The following SRCAP variants were observed in gnomAD, a reference collection of about 807,000 sequenced individuals.
SRCAP encodes the protein chromatin remodeling protein SRCAP.
SRCAP carries 46 observed loss-of-function variants against 263.1 expected under a neutral mutation model. That is an observed-to-expected ratio of 0.17 (90% confidence interval 0.14 to 0.22). The LOEUF (loss-of-function observed/expected upper bound fraction) is 0.22, where lower values mean the gene tolerates loss of function less well. SRCAP is among the 10% of genes least tolerant of loss of function. SRCAP has a pLI of 1.00. For missense variants in SRCAP, 3,695 were observed against 4,181.9 expected, an observed-to-expected ratio of 0.88 and a Z score of 3.21; for synonymous variants, 1,813 against 1,662.1, an observed-to-expected ratio of 1.09 and a Z score of -2.21.
At chr16:30,703,149 CTATATATA>C (rs368190667) in intron 3 of SRCAP, among the ~76,000 whole-genome samples, 2 of 143,412 alleles carry the variant, frequency 1.4e-5, no homozygotes, top group Non-Finnish European at 3.1e-5. Flanking sequence ...AAATCATATG[CTATATATA>C]TATATATATA....
At position 30,733,527 on chromosome 16, in the gene SRCAP, G is replaced by T; in HGVS notation, c.6298-75G>T. ...TTCCCAGGATTTGGGCTTCCAGACG[G>T]GGTGCCACTAAGCCTTTAGACCTGT... On this transcript the variant is annotated intron_variant, in intron 28 of 33. Transcript: ENST00000262518. The surrounding 1 kb of genome is among the most constrained non-coding windows in gnomAD (Gnocchi z 5.3). 1.2e-6 allele frequency: 2 copies of T among 1,605,208 alleles called. No individual in the cohort carries two copies. The highest frequency in any genetic ancestry group is 1.7e-6 in the Non-Finnish European group (2 of 1,174,480).
In SRCAP at chr16:30,725,067, T is replaced by G; in HGVS notation, c.5643T>G (p.Arg1881=). ...RPRRQPPPPP[R]SPFYLDSLEE... is the part of the protein sequence containing the mutation. ...GACGCCAGCCCCCCCCACCACCTCG[T>G]TCCCCTTTTTATCTGGTAAGTTTTA... Residue 1881 remains arginine (R), a synonymous_variant, in exon 25 of 34, where the codon CGT becomes CGG. Coordinates refer to ENST00000262518, the MANE Select transcript of SRCAP (RefSeq NM_006662.3). 1 of 1,608,626 alleles carries G rather than the reference T, an allele frequency of 6.2e-7. No homozygotes were observed. Among genetic ancestry groups the G allele is most frequent in the Non-Finnish European group, 8.5e-7 (1 of 1,176,720 alleles).
intron 4 of SRCAP, among the ~76,000 whole-genome samples, chr16:30,706,635 A>G (rs2052830534): frequency 6.6e-6 from 1 of 152,150 alleles, no homozygotes; most frequent in Non-Finnish European, 1.5e-5. Flanking sequence ...ACATAAACAT[A>G]TGCATTTTTA....
chr16:30,707,794 T>C, intron 6 of SRCAP, 82 bp downstream of exon 6: 1 of 1,523,104 alleles, frequency 6.6e-7, no homozygotes, highest in South Asian at 1.2e-5. Flanking sequence ...TCAAAACTTC[T>C]TGAGGGAGTA....
rs377394919 is a variant in SRCAP at position 30,738,682 on chromosome 16, C to T, written c.8642C>T (p.Pro2881Leu). Reference sequence around the variant, plus strand: ...GCTGGGAGAGGTGTGGATGAGGCACCCTCATCCACCTTGAAGGGAAAAACC... The same window carrying T: ...GCTGGGAGAGGTGTGGATGAGGCACTCTCATCCACCTTGAAGGGAAAAACC... ...ADAGRGVDEA[P>L]SSTLKGKTNG... Residue 2881 changes from proline to leucine, a missense_variant, in exon 34 of 34, where the codon CCC becomes CTC. This residue lies in a region of SRCAP where 1,207 missense variants were observed against 1,142.9 expected (regional missense o/e 1.06). Transcript: ENST00000262518. The T allele has an allele frequency of 2.5e-5, 41 of 1,613,652 alleles. No homozygotes were observed. The highest frequency in any genetic ancestry group is 3.5e-5 in the Non-Finnish European group (41 of 1,179,908).
In SRCAP at chr16:30,737,593, C is replaced by G. The variant is rs1361607642; in HGVS notation, c.7553C>G (p.Thr2518Ser). 6.2e-7 allele frequency: 1 copy of G among 1,614,108 alleles called. No individual in the cohort carries two copies. The highest frequency in any genetic ancestry group is 1.1e-5 in the South Asian group (1 of 91,086). The part of the protein sequence containing the change: ...PPAHTPPPAQ[T>S]CLVTPSSPLL... ...GCTCATACACCGCCTCCAGCCCAAA[C>G]CTGTCTTGTAACTCCTTCCTCTCCT... Residue 2518 changes from threonine to serine, a missense_variant, in exon 34 of 34, where the codon ACC becomes AGC. Thr to Ser is a moderately conservative substitution (Grantham distance 58). Transcript: ENST00000262518.
Position 30,724,605 on chromosome 16 carries a change from T to A in SRCAP, c.5181T>A (p.Thr1727=). The change falls in exon 25 of 34, where the codon ACT becomes ACA. Residue 1727 remains threonine (T), a synonymous_variant. Transcript: ENST00000262518. ...CTCCAGCATCATCCCTGGTACCAAC[T>A]CCAGCCCAGACACTGTCTTTGGCAC... The part of the protein sequence containing the change: ...SLTPASSLVP[T]PAQTLSLAPG... 3 of 1,614,068 alleles carry A rather than the reference T, an allele frequency of 1.9e-6. No individual in the cohort carries two copies. The highest frequency in any genetic ancestry group is 2.5e-6 in the Non-Finnish European group (3 of 1,180,028).
Position 30,720,259 on chromosome 16 carries a change from G to A in SRCAP, c.2915G>A (p.Arg972Gln), listed in dbSNP as rs765276605. The A allele has an allele frequency of 1.9e-6, 3 of 1,614,168 alleles. No homozygotes were observed. The highest frequency in any genetic ancestry group is 2.5e-6 in the Non-Finnish European group (3 of 1,180,014). ...CTGCCCCGGCACCGCCTCTCTCGCC[G>A]GGTACTGTTAGAAGTGGCTACTGCT... ...TFLPRHRLSR[R>Q]VLLEVATAPD... Residue 972 changes from arginine to glutamine, a missense_variant, in exon 19 of 34, where the codon CGG (arginine) becomes CAG (glutamine). Transcript: ENST00000262518.
intron 27 of SRCAP, among the ~76,000 whole-genome samples, chr16:30,731,113 G>C (rs1024425679): frequency 6.6e-6 from 1 of 152,172 alleles, no homozygotes; most frequent in African/African-American, 2.4e-5. Flanking sequence ...AAGAAACAAG[G>C]GGTTGAGACA....
chr16:30,702,874 G>A (rs2052784028), intron 3 of SRCAP, among the ~76,000 whole-genome samples: 1 of 151,778 alleles, frequency 6.6e-6, no homozygotes, highest in South Asian at 2.1e-4. Flanking sequence ...AAAGTCCACC[G>A]AGCCCAGCTT....
In SRCAP at chr16:30,729,564, A is replaced by G. The variant is rs748016155; in HGVS notation, c.6119A>G (p.Tyr2040Cys). The change falls in exon 27 of 34, where the codon TAT becomes TGT. Residue 2040 changes from tyrosine (Y) to cysteine (C), a missense_variant. Coordinates refer to ENST00000262518, the MANE Select transcript of SRCAP (RefSeq NM_006662.3). ...TQFPDLRLIQ[Y>C]DCGKLQTLAV... ...TTCCCTGACTTAAGACTCATCCAGT[A>G]TGATTGCGGTGAGTTTGTTGGCCAG... is the stretch of plus-strand genomic sequence containing the variant. 5.0e-6 allele frequency: 8 copies of G among 1,614,048 alleles called. No individual in the cohort carries two copies. The highest frequency in any genetic ancestry group is 6.8e-6 in the Non-Finnish European group (8 of 1,180,046).
intron 21 of SRCAP, among the ~76,000 whole-genome samples, chr16:30,721,677 G>C (rs1408824532): frequency 6.6e-6 from 1 of 152,226 alleles, no homozygotes; most frequent in South Asian, 2.1e-4. Flanking sequence ...CTGCAATCAT[G>C]AGCAAGACCC....
chr16:30,739,440 G>C lies in SRCAP; in HGVS notation c.9400G>C (p.Glu3134Gln), dbSNP rs1462247408. 1 of 1,614,112 alleles carries C rather than the reference G, an allele frequency of 6.2e-7. No homozygotes were observed. Among genetic ancestry groups the C allele is most frequent in the Non-Finnish European group, 8.5e-7 (1 of 1,180,052 alleles). Reference protein sequence around the residue: ...PGSLVPPLETEKLPRKRAGAP... With the variant: ...PGSLVPPLETQKLPRKRAGAP... ...GTCTCTAGTCCCCCCACTAGAGACT[G>C]AGAAGTTGCCTCGCAAACGAGCAGG... The change falls in exon 34 of 34, where the codon GAG becomes CAG. Residue 3134 changes from glutamate to glutamine, a missense_variant. Transcript: ENST00000262518.
At position 30,724,569 on chromosome 16, in the gene SRCAP, A is replaced by G; in HGVS notation, c.5145A>G (p.Thr1715=). The G allele has an allele frequency of 6.2e-7, 1 of 1,614,022 alleles. No individual in the cohort carries two copies. The highest frequency in any genetic ancestry group is 8.5e-7 in the Non-Finnish European group (1 of 1,180,008). The change falls in exon 25 of 34, where the codon ACA becomes ACG. Residue 1715 remains threonine, a synonymous_variant. Coordinates refer to ENST00000262518, the MANE Select transcript of SRCAP (RefSeq NM_006662.3). ...CCCAGGGACCCTTTCCAACTCAGAC[A>G]TTGTCATTAACTCCAGCATCATCCC... is the stretch of plus-strand genomic sequence containing the variant. ...GNPQGPFPTQ[T]LSLTPASSLV...
intron 30 of SRCAP, 161 bp from the exon 31 acceptor site, chr16:30,734,335 G>A (rs771390813): frequency 2.0e-5 from 22 of 1,082,960 alleles, no homozygotes; most frequent in Non-Finnish European, 2.6e-5. Context: ...GAGCAAAACC[G>A]TCTCAAAAAA....
At chr16:30,727,842 G>A (rs918385990) in intron 25 of SRCAP, among the ~76,000 whole-genome samples, 4 of 152,076 alleles carry the variant, frequency 2.6e-5, no homozygotes, top group Admixed American at 2.0e-4. Flanking sequence ...GTGAGCCACC[G>A]CGCCTGGCCC....
rs1385799962 is a variant in SRCAP, at chr16:30,721,435, A to G, written c.3500A>G (p.Gln1167Arg). 6.2e-7 allele frequency: 1 copy of G among 1,612,652 alleles called. No homozygotes were observed. The highest frequency in any genetic ancestry group is 8.5e-7 in the Non-Finnish European group (1 of 1,180,030). Reference protein sequence around the residue: ...TAVPAPTPAPQRLILSPDMQA... With the variant: ...TAVPAPTPAPRRLILSPDMQA... ...GTGCCAGCTCCGACTCCTGCACCAC[A>G]GCGCCTCATTCTATCTCCCGATATG... Residue 1167 changes from glutamine to arginine, a missense_variant, in exon 21 of 34, where the codon CAG (glutamine) becomes CGG (arginine). Coordinates refer to ENST00000262518, the MANE Select transcript of SRCAP (RefSeq NM_006662.3).
chr16:30,723,504 G>T (rs1432549788), intron 24 of SRCAP, 80 bp from the exon 25 acceptor site: 3 of 1,525,474 alleles, frequency 2.0e-6, no homozygotes, highest in Middle Eastern at 1.9e-4. Flanking sequence ...GGGAAGCTTG[G>T]GGGTATGGGA....
At position 30,709,456 on chromosome 16, in the gene SRCAP, A is replaced by G. The variant is rs988205885; in HGVS notation, c.634-57A>G. ...AGAAGGTCTCCCTAAACATCGGGTA[A>G]AAGTACATAAATAAAATGGTTATCT... On this transcript the variant is annotated intron_variant, in intron 6 of 33. Coordinates refer to ENST00000262518, the MANE Select transcript of SRCAP (RefSeq NM_006662.3). The G allele has an allele frequency of 3.8e-6, 6 of 1,590,922 alleles. No individual in the cohort carries two copies. In the African/African-American group the frequency reaches 8.1e-5, roughly 21 times the overall value.
Sources: gnomAD v4.1 joint callset for allele counts (sites outside exome capture counted in the v4.1 genomes callset) on GRCh38, gnomAD v4.1.1 for gene constraint, gnomAD v4.1.1 regional missense constraint, Gnocchi (gnomAD v3.1) non-coding constraint, MANE v1.5 for transcripts, NCBI Gene and HGNC (gene_info 2026-07-23, HGNC 2026-07-21) for gene names.